COG4: variants seen among roughly 807,000 people sequenced by gnomAD.
The protein encoded by COG4 is component of oligomeric golgi complex 4, also known as conserved oligomeric Golgi complex subunit 4.
A neutral mutation model predicts 95.1 loss-of-function variants in COG4; 65 were observed. The observed-to-expected ratio is 0.68, with a 90% confidence interval of 0.56 to 0.84. The LOEUF (loss-of-function observed/expected upper bound fraction) is 0.84, where lower values mean the gene tolerates loss of function less well. COG4 is among the 40% of genes least tolerant of loss of function. The pLI is 0.00. For synonymous variants in COG4, 421 were observed against 374.8 expected (o/e 1.12, Z -1.42); for missense variants, 1,045 against 989.1 (o/e 1.06, Z -0.76).
chr16:70,512,891 T>C (rs1283554032), intron 4 of COG4, among the ~76,000 whole-genome samples: 1 of 152,058 alleles, frequency 6.6e-6, no homozygotes, highest in Non-Finnish European at 1.5e-5. Flanking sequence ...GGCAGAAGAA[T>C]CCCTTGAACC....
intron 8 of COG4, among the ~76,000 whole-genome samples, chr16:70,504,219 A>T (rs968431042): frequency 2.3e-4 from 35 of 151,016 alleles, no homozygotes; most frequent in Admixed American, 4.0e-4. Flanking sequence ...CCCTACCCAT[A>T]CCCCCCTGGG....
chr16:70,508,499 C>G (rs1240293738), intron 7 of COG4, 35 bp from the exon 8 acceptor site: 1 of 1,584,554 alleles, frequency 6.3e-7, no homozygotes, highest in Non-Finnish European at 8.7e-7. Flanking sequence ...ATATTCTTCC[C>G]CACCCCCACA....
At chr16:70,489,259 C>G (rs1455894049) in intron 13 of COG4, among the ~76,000 whole-genome samples, 3 of 151,056 alleles carry the variant, frequency 2.0e-5, no homozygotes, top group Admixed American at 6.6e-5. Flanking sequence ...CCCTCTGTCG[C>G]CCAGGCTGGA....
intron 12 of COG4, among the ~76,000 whole-genome samples, chr16:70,491,824 C>CAAAAAAAAAAAAA (rs772831502): frequency 1.7e-5 from 1 of 59,336 alleles, no homozygotes; most frequent in Non-Finnish European, 4.2e-5. Context: ...AACTACGTCT[C>CAAAAAAAAAAAAA]AAAAAAAAAA....
intron 13 of COG4, among the ~76,000 whole-genome samples, chr16:70,488,288 C>T (rs1048407944): frequency 1.3e-5 from 2 of 151,954 alleles, no homozygotes; most frequent in East Asian, 1.9e-4. Flanking sequence ...CGCCCGCCAC[C>T]ATGCCCAGCT....
chr16:70,490,524 T>C, intron 12 of COG4, 132 bp from the exon 13 acceptor site: 1 of 760,004 alleles, frequency 1.3e-6, no homozygotes, highest in Non-Finnish European at 2.4e-6. Flanking sequence ...CTTGCGCTAA[T>C]GAAAACCCAC....
chr16:70,504,563 A>G (rs1207030778), intron 8 of COG4, among the ~76,000 whole-genome samples: 1 of 148,178 alleles, frequency 6.7e-6, no homozygotes, highest in Non-Finnish European at 1.5e-5. Context: ...GCCAAAATTG[A>G]GCCACTGCAC....
chr16:70,488,221 C>A (rs1170605343), intron 13 of COG4, among the ~76,000 whole-genome samples: 1 of 152,020 alleles, frequency 6.6e-6, no homozygotes, highest in Non-Finnish European at 1.5e-5. Flanking sequence ...GCAACCTCCG[C>A]CTCCTGGGTT....
rs2048975195 is a variant in COG4, at chr16:70,480,896, G to A, written c.*114C>T. On this transcript the variant is annotated 3_prime_UTR_variant, in exon 19 of 19. Transcript: ENST00000323786. ...GTTTCTCTGCTGCCAGCCGTAGAAA[G>A]GTCTGGGCTGTCAGATCTCCCCCAA... 7.9e-7 allele frequency: 1 copy of A among 1,260,376 alleles called. No individual in the cohort carries two copies. Among genetic ancestry groups the A allele is most frequent in the South Asian group, 1.2e-5 (1 of 83,082 alleles). 78.1% of individuals were successfully genotyped at this position (1,260,376 alleles called of 1,614,324 possible). A position where few individuals can be genotyped will look rare whatever the true frequency, so the allele number is the denominator to read the frequency against.
At chr16:70,512,572 T>C in intron 4 of COG4, 140 bp from the exon 5 acceptor site, 2 of 737,966 alleles carry the variant, frequency 2.7e-6, no homozygotes, top group Non-Finnish European at 4.8e-6. Context: ...GTAATATGCA[T>C]GATTACAAGA....
intron 1 of COG4, among the ~76,000 whole-genome samples, chr16:70,522,772 A>ATTT (rs2049977493): frequency 6.6e-6 from 1 of 152,234 alleles, no homozygotes; most frequent in African/African-American, 2.4e-5. Flanking sequence ...GAATTGGAGA[A>ATTT]TAGTCCACAC....
rs545837302 is a variant in COG4, at chr16:70,496,266, C to T, written c.1647G>A (p.Leu549=). The T allele has an allele frequency of 1.1e-5, 18 of 1,614,038 alleles. No homozygotes were observed. The highest frequency in any genetic ancestry group is 1.5e-5 in the Non-Finnish European group (18 of 1,180,044). The change falls in exon 12 of 19, where the codon CTG becomes CTA. Residue 549 remains leucine, a splice_region_variant and synonymous_variant. Transcript: ENST00000323786. The part of the protein sequence containing the change: ...ESTDEAKMSF[L]VTLNNVEVCS... ...AGCTCGTGAGCTGTGGGGTACCTAC[C>T]AGGAAGGACATCTTCGCCTCGTCAG... is the stretch of plus-strand genomic sequence containing the variant.
At position 70,519,637 on chromosome 16, in the gene COG4, GCA is replaced by G; in HGVS notation, c.254+10_254+11del. 6.2e-7 allele frequency: 1 copy of G among 1,602,302 alleles called. No individual in the cohort carries two copies. Among genetic ancestry groups the G allele is most frequent in the Non-Finnish European group, 8.5e-7 (1 of 1,169,716 alleles). On this transcript the variant is annotated intron_variant, in intron 2 of 18. Transcript: ENST00000323786. ...AATTTACATTAGCTCTTGCTGAGAT[GCA>G]CAGACTCACCCCATTCGGTGGAGAG... is the stretch of plus-strand genomic sequence containing the variant.
chr16:70,498,389 C>T (rs776687605), intron 9 of COG4, among the ~76,000 whole-genome samples: 1 of 151,576 alleles, frequency 6.6e-6, no homozygotes, highest in Non-Finnish European at 1.5e-5. Flanking sequence ...AGTGCAATGG[C>T]GTGATCTTGG....
chr16:70,494,332 T>A (rs1012550623), intron 12 of COG4, among the ~76,000 whole-genome samples: 12 of 152,338 alleles, frequency 7.9e-5, no homozygotes, highest in Middle Eastern at 3.4e-3. Context: ...GTGGATTCAC[T>A]GGGTTTATTC....
At chr16:70,508,555 A>G in intron 7 of COG4, 91 bp from the exon 8 acceptor site, 2 of 1,118,700 alleles carry the variant, frequency 1.8e-6, no homozygotes, top group Non-Finnish European at 2.7e-6. Flanking sequence ...GCATACAAGA[A>G]CATTTAGATT....
At chr16:70,481,527 C>T (rs2048992399) in intron 17 of COG4, 40 bp from the exon 18 acceptor site, 2 of 1,609,286 alleles carry the variant, frequency 1.2e-6, no homozygotes, top group South Asian at 1.1e-5. Context: ...TTAGGCCTGG[C>T]CAAGCAGAAC....
rs748132808 is a variant in COG4, at chr16:70,498,095, C to A, written c.1196-40G>T. On this transcript the variant is annotated intron_variant, in intron 9 of 18. Coordinates refer to ENST00000323786, the MANE Select transcript of COG4 (RefSeq NM_015386.3). ...AGAAAGGAATACTCATTTTTTTTCC[C>A]CAAGGGAAACAGAGCAACTTTTTTC... 2.2e-6 allele frequency: 3 copies of A among 1,345,602 alleles called. No individual in the cohort carries two copies. In the Admixed American group the frequency reaches 5.0e-5, roughly 23 times the overall value. The allele number at this position is 1,345,602 out of a possible 1,614,324, so 83.4% of individuals were successfully genotyped here.
At chr16:70,507,569 T>G (rs2049604682) in intron 8 of COG4, among the ~76,000 whole-genome samples, 1 of 152,072 alleles carries the variant, frequency 6.6e-6, no homozygotes, top group Non-Finnish European at 1.5e-5. Context: ...CAGAATGTAC[T>G]CCAGTTGTTG....
Sources: gnomAD v4.1 joint callset for allele counts (sites outside exome capture counted in the v4.1 genomes callset) on GRCh38, gnomAD v4.1.1 for gene constraint, MANE v1.5 for transcripts, NCBI Gene and HGNC (gene_info 2026-07-23, HGNC 2026-07-21) for gene names.